KAZN: variants seen among roughly 807,000 people sequenced by gnomAD.
The protein encoded by KAZN is kazrin.
Under a neutral mutation model 87.4 loss-of-function variants are expected in KAZN, and 40 were observed. The ratio of observed to expected loss-of-function variants is 0.46; its 90% CI spans 0.36 to 0.60. The LOEUF is 0.60. Ranked by LOEUF, KAZN falls within the 20% of genes least tolerant of loss-of-function variation. KAZN has a pLI of 0.00. For missense variants in KAZN, 898 were observed against 1,073.9 expected (o/e 0.84, Z 2.29); for synonymous variants, 466 against 458.3 (o/e 1.02, Z -0.22).
At chr1:14,134,403 G>A (rs1645060177) in intron 1 of KAZN, among the ~76,000 whole-genome samples, 1 of 152,178 alleles carries the variant, frequency 6.6e-6, no homozygotes, top group South Asian at 2.1e-4. Context: ...GTATTTTTTA[G>A]AGAGGTGATC....
chr1:14,435,925 G>A (rs1398038368), intron 2 of KAZN, among the ~76,000 whole-genome samples: 1 of 152,196 alleles, frequency 6.6e-6, no homozygotes, highest in African/African-American at 2.4e-5. Flanking sequence ...GAGCGTTACT[G>A]TGTGCTGCCA....
chr1:13,966,545 C>T (rs1641951792), intron 1 of KAZN, among the ~76,000 whole-genome samples: 1 of 152,162 alleles, frequency 6.6e-6, no homozygotes, highest in African/African-American at 2.4e-5. Context: ...GGTGACCTGA[C>T]ATCTCTGGGG....
At chr1:14,156,187 G>A (rs558394758) in intron 1 of KAZN, among the ~76,000 whole-genome samples, 68 of 152,084 alleles carry the variant, frequency 4.5e-4, no homozygotes, top group Middle Eastern at 3.4e-3. Flanking sequence ...TTATTCCATT[G>A]TGGTCAGAGA....
intron 2 of KAZN, among the ~76,000 whole-genome samples, chr1:14,246,223 C>T (rs1236490967): frequency 6.6e-6 from 1 of 152,042 alleles, no homozygotes; most frequent in East Asian, 1.9e-4. Flanking sequence ...CTAATGCATG[C>T]CGGGCTTAAT....
chr1:14,454,085 A>C (rs192449445), intron 2 of KAZN, among the ~76,000 whole-genome samples: 53 of 152,338 alleles, frequency 3.5e-4, no homozygotes, highest in African/African-American at 1.2e-3. Flanking sequence ...ATAAACCAAT[A>C]TAGGAAATCC....
At chr1:13,904,898 T>G (rs984946344) in intron 1 of KAZN, among the ~76,000 whole-genome samples, 1 of 152,220 alleles carries the variant, frequency 6.6e-6, no homozygotes, top group Non-Finnish European at 1.5e-5. Flanking sequence ...GTGACTTGTG[T>G]TAGACTTCTC....
intron 1 of KAZN, among the ~76,000 whole-genome samples, chr1:14,101,070 C>T (rs561272607): frequency 2.0e-5 from 3 of 152,114 alleles, no homozygotes; most frequent in African/African-American, 4.8e-5. Flanking sequence ...CTCTTTCATT[C>T]GTAAATTACC....
intron 1 of KAZN, among the ~76,000 whole-genome samples, chr1:14,782,440 G>T (rs804124): frequency 0.75 from 114,182 of 151,290 alleles, 43,087 homozygotes; most frequent in South Asian, 0.84. Flanking sequence ...CCCAGCTACT[G>T]GGAAGGCTGA....
At chr1:14,190,676 G>T (rs1403746992) in intron 2 of KAZN, among the ~76,000 whole-genome samples, 1 of 152,122 alleles carries the variant, frequency 6.6e-6, no homozygotes, top group Non-Finnish European at 1.5e-5. Flanking sequence ...TGTCTACCAT[G>T]AGAACAAGCC....
chr1:15,099,772 C>T lies in KAZN; in HGVS notation c.1548-1771C>T, dbSNP rs142702435. Reference sequence around the variant, plus strand: ...GACCCCCTGGTGGTCCTGGGGGATGCGGAATAGAAGGGAAGCAAAGGCAGG... The same window carrying T: ...GACCCCCTGGTGGTCCTGGGGGATGTGGAATAGAAGGGAAGCAAAGGCAGG... On this transcript the variant is annotated intron_variant, in intron 10 of 14. Transcript: ENST00000376030. This position sits in a 1 kb window ranked among gnomAD's most constrained non-coding sequence, Gnocchi z 5.4. Among the ~76,000 whole-genome samples the T allele has an allele frequency of 7.8e-3, 1,191 of 152,086 alleles. 5 individuals carry two copies. Among genetic ancestry groups the T allele is most frequent in the Non-Finnish European group, 0.011 (739 of 67,984 alleles).
intron 1 of KAZN, among the ~76,000 whole-genome samples, chr1:14,879,518 G>C (rs1403761205): frequency 6.6e-6 from 1 of 152,082 alleles, no homozygotes; most frequent in Admixed American, 6.6e-5. Context: ...AAAGCAAAAC[G>C]GCCCTGGGTG....
intron 13 of KAZN, among the ~76,000 whole-genome samples, chr1:15,108,028 T>C (rs944497182): frequency 2.0e-5 from 3 of 152,156 alleles, no homozygotes; most frequent in Non-Finnish European, 4.4e-5. Flanking sequence ...AGTAGCTGCA[T>C]AGGAGTCCCC....
chr1:14,077,886 C>T (rs931481371), intron 1 of KAZN, among the ~76,000 whole-genome samples: 3 of 152,066 alleles, frequency 2.0e-5, no homozygotes, highest in African/African-American at 7.2e-5. Flanking sequence ...CATCTCCAAG[C>T]CAGGGAATGC....
At chr1:14,716,311 G>A (rs1017516246) in intron 1 of KAZN, among the ~76,000 whole-genome samples, 6 of 152,082 alleles carry the variant, frequency 3.9e-5, no homozygotes, top group Non-Finnish European at 5.9e-5. Flanking sequence ...GACATTTATC[G>A]TTCAGGCAAT....
chr1:14,237,871 G>C (rs1190703489), intron 2 of KAZN, among the ~76,000 whole-genome samples: 2 of 152,206 alleles, frequency 1.3e-5, no homozygotes, highest in Admixed American at 1.3e-4. Flanking sequence ...CATGCAGGCT[G>C]TGTGTCTCTG....
intron 2 of KAZN, among the ~76,000 whole-genome samples, chr1:14,394,348 AGACT>A (rs770057916): frequency 1.3e-5 from 2 of 152,268 alleles, no homozygotes. Context: ...TCTCCTGGCC[AGACT>A]ATTTCAAGAT....
rs542605054 is a variant in KAZN, at chr1:14,823,579, C to T, written c.227-137105C>T. The stretch of plus-strand genomic sequence containing the variant: ...GGCCAGGATGTTGAATGTCCTGAAA[C>T]GCAGGGGACAGTCCTATACAATGAA... On this transcript the variant is annotated intron_variant, in intron 1 of 14. Coordinates refer to ENST00000376030, the MANE Select transcript of KAZN (RefSeq NM_201628.3). 1.5e-3 allele frequency among the ~76,000 whole-genome samples: 222 copies of T among 152,122 alleles called. 1 individual carries two copies. Among genetic ancestry groups the T allele is most frequent in the African/African-American group, 4.8e-3 (199 of 41,486 alleles).
At position 13,984,302 on chromosome 1, in the gene KAZN, G is replaced by T. The variant is rs532329732; in HGVS notation, c.91+90546G>T. On this transcript the variant is annotated intron_variant, in intron 1 of 16. Transcript: ENST00000636203. The stretch of plus-strand genomic sequence containing the variant: ...TGGGATTACAGGCGTGAGCCACCGC[G>T]CCCGGCCTATTTGGATTATTAATCA... Among the ~76,000 whole-genome samples, 9 of 152,168 alleles carry T rather than the reference G, an allele frequency of 5.9e-5. No individual in the cohort carries two copies. In the South Asian group the frequency reaches 8.3e-4, roughly 14 times the overall value.
chr1:14,300,942 G>C (rs1326816815), intron 2 of KAZN, among the ~76,000 whole-genome samples: 1 of 152,190 alleles, frequency 6.6e-6, no homozygotes, highest in Admixed American at 6.5e-5. Flanking sequence ...CCCTGCTAGA[G>C]ACCTAGCCTG....
Sources: gnomAD v4.1 joint callset for allele counts (sites outside exome capture counted in the v4.1 genomes callset) on GRCh38, gnomAD v4.1.1 for gene constraint, Gnocchi (gnomAD v3.1) non-coding constraint, MANE v1.5 for transcripts, NCBI Gene and HGNC (gene_info 2026-07-23, HGNC 2026-07-21) for gene names.